Variants in SNTG1 observed in about 807,000 individuals in gnomAD.
SNTG1 encodes the protein gamma-1-syntrophin.
A neutral mutation model predicts 74.7 loss-of-function variants in SNTG1; 39 were observed. That is an observed-to-expected ratio of 0.52 (90% CI 0.40 to 0.68). The LOEUF is 0.68. SNTG1 is among the 30% of genes least tolerant of loss of function. The pLI is 0.00. For synonymous variants in SNTG1, 254 were observed against 217.1 expected (o/e 1.17, Z -1.49); for missense variants, 685 against 609.5 (o/e 1.12, Z -1.30).
intron 1 of SNTG1, among the ~76,000 whole-genome samples, chr8:50,152,387 G>A (rs2131545968): frequency 6.6e-6 from 1 of 152,188 alleles, no homozygotes; most frequent in Non-Finnish European, 1.5e-5. Flanking sequence ...TCTTTTAATT[G>A]TAGCATTTAG....
intron 2 of SNTG1, among the ~76,000 whole-genome samples, chr8:50,377,404 T>C (rs2092407046): frequency 6.6e-6 from 1 of 152,174 alleles, no homozygotes. Context: ...AGAACAATTT[T>C]GCAAAATAGG....
At chr8:50,345,552 A>G (rs1449093453) in intron 2 of SNTG1, among the ~76,000 whole-genome samples, 4 of 152,180 alleles carry the variant, frequency 2.6e-5, no homozygotes, top group Non-Finnish European at 1.5e-5. Context: ...CATGTAAAAC[A>G]TATGTTCCTG....
At chr8:50,675,453 G>A (rs1375913820) in intron 15 of SNTG1, among the ~76,000 whole-genome samples, 2 of 151,912 alleles carry the variant, frequency 1.3e-5, no homozygotes, top group Middle Eastern at 3.4e-3. Flanking sequence ...TTGGTTTAAA[G>A]TCTGTTTTTT....
chr8:50,469,627 C>A (rs527791074), intron 8 of SNTG1, among the ~76,000 whole-genome samples: 2 of 152,270 alleles, frequency 1.3e-5, no homozygotes, highest in Admixed American at 1.3e-4. Flanking sequence ...TCTTTTCCTG[C>A]ATTTTTCTCC....
intron 1 of SNTG1, among the ~76,000 whole-genome samples, chr8:49,920,545 A>T (rs1484981033): frequency 1.3e-5 from 2 of 151,990 alleles, no homozygotes; most frequent in Non-Finnish European, 2.9e-5. Flanking sequence ...GTAAATAAAT[A>T]AAAAAACAAA....
intron 17 of SNTG1, among the ~76,000 whole-genome samples, chr8:50,715,690 T>A (rs1020220463): frequency 3.3e-5 from 5 of 152,184 alleles, no homozygotes; most frequent in Non-Finnish European, 7.4e-5. Context: ...GGAGGATGTT[T>A]GTTAAAACCC....
intron 2 of SNTG1, among the ~76,000 whole-genome samples, chr8:50,190,617 A>C (rs2131778177): frequency 6.6e-6 from 1 of 152,304 alleles, no homozygotes; most frequent in African/African-American, 2.4e-5. Context: ...GTATACTAAC[A>C]GAAAATACTC....
At chr8:50,070,438 C>A (rs1344599751) in intron 1 of SNTG1, among the ~76,000 whole-genome samples, 1 of 152,110 alleles carries the variant, frequency 6.6e-6, no homozygotes, top group African/African-American at 2.4e-5. Context: ...TGAACAGATG[C>A]AATCATAAAT....
intron 2 of SNTG1, among the ~76,000 whole-genome samples, chr8:50,278,086 T>C (rs773930179): frequency 5.9e-5 from 9 of 151,920 alleles, no homozygotes; most frequent in Admixed American, 5.3e-4. Context: ...GGTGGGAGAA[T>C]CACTTGAACC....
chr8:50,092,855 A>G (rs926436362), intron 1 of SNTG1, among the ~76,000 whole-genome samples: 1 of 152,258 alleles, frequency 6.6e-6, no homozygotes, highest in South Asian at 2.1e-4. Context: ...ATGCAAAGAT[A>G]AGAAAGACAA....
intron 13 of SNTG1, among the ~76,000 whole-genome samples, chr8:50,608,052 AT>A (rs1322065365): frequency 6.6e-6 from 1 of 151,548 alleles, no homozygotes; most frequent in East Asian, 1.9e-4. Context: ...TAATTTAATT[AT>A]GTTTTTAGTC....
At chr8:50,299,280 C>T (rs900735787) in intron 2 of SNTG1, among the ~76,000 whole-genome samples, 1 of 152,088 alleles carries the variant, frequency 6.6e-6, no homozygotes, top group Non-Finnish European at 1.5e-5. Context: ...GCCTTGAACT[C>T]TTGGACTCAA....
chr8:50,165,051 CCACA>C (rs920786949), intron 1 of SNTG1, among the ~76,000 whole-genome samples: 1 of 151,838 alleles, frequency 6.6e-6, no homozygotes, highest in African/African-American at 2.4e-5. Flanking sequence ...CTTTCATCTC[CCACA>C]CACACACACA....
chr8:50,209,999 C>T (rs1323285628), intron 2 of SNTG1, among the ~76,000 whole-genome samples: 3 of 152,106 alleles, frequency 2.0e-5, no homozygotes, highest in Non-Finnish European at 2.9e-5. Context: ...AGACGAATGG[C>T]TAACTAGAAT....
At chr8:50,174,608 T>A (rs1377723294) in intron 2 of SNTG1, among the ~76,000 whole-genome samples, 1 of 152,262 alleles carries the variant, frequency 6.6e-6, no homozygotes, top group Admixed American at 6.5e-5. Flanking sequence ...TGTTTTCAAG[T>A]TATTTTTCAT....
At chr8:50,481,111 G>A (rs1056264772) in intron 8 of SNTG1, among the ~76,000 whole-genome samples, 15 of 152,160 alleles carry the variant, frequency 9.9e-5, no homozygotes, top group African/African-American at 3.1e-4. Context: ...GGCTGGGCGC[G>A]GTGGCTCACG....
intron 1 of SNTG1, among the ~76,000 whole-genome samples, chr8:50,165,663 T>G (rs546674761): frequency 6.6e-6 from 1 of 152,320 alleles, no homozygotes; most frequent in East Asian, 1.9e-4. Flanking sequence ...TTATTTTCCT[T>G]CTTCAGTGAT....
At chr8:50,228,176 G>A (rs1204616017) in intron 2 of SNTG1, among the ~76,000 whole-genome samples, 7 of 151,710 alleles carry the variant, frequency 4.6e-5, no homozygotes, top group African/African-American at 1.5e-4. Flanking sequence ...GAGAAATGAA[G>A]AATATCTTTG....
In SNTG1 at chr8:50,140,597, G is replaced by C. The variant is rs183650807; in HGVS notation, c.-102-31964G>C. ...GTGTGAATGTTTATAGTATGTGGAT[G>C]TAAGTCTGAATGTGGATGGGTGGGT... On this transcript the variant is annotated intron_variant, in intron 1 of 18. Coordinates refer to ENST00000642720, the MANE Select transcript of SNTG1 (RefSeq NM_018967.5). 3.4e-4 allele frequency among the ~76,000 whole-genome samples: 51 copies of C among 152,206 alleles called. 1 individual carries two copies. Among genetic ancestry groups the C allele is most frequent in the Admixed American group, 2.3e-3 (35 of 15,254 alleles).
Sources: allele counts gnomAD v4.1 joint callset (sites outside exome capture counted in the v4.1 genomes callset), GRCh38; gene constraint gnomAD v4.1.1; transcripts MANE v1.5; gene names NCBI Gene and HGNC (gene_info 2026-07-23, HGNC 2026-07-21).